RBFOX1: variants seen among roughly 807,000 people sequenced by gnomAD.
RBFOX1 encodes RNA binding fox-1 homolog 1, also known as RNA binding protein fox-1 homolog 1.
Under a neutral mutation model 57.7 loss-of-function variants are expected in RBFOX1, and 8 were observed. The observed-to-expected ratio is 0.14, with a 90% CI of 0.08 to 0.25. RBFOX1 has a LOEUF of 0.25. Among genes scored for constraint, RBFOX1 ranks in the 10% least tolerant of loss-of-function variants. The probability of loss-of-function intolerance (pLI) is 1.00; values close to 1 mark genes in which losing one functional copy is unlikely to be tolerated. For synonymous variants in RBFOX1, 326 were observed against 222.4 expected, an observed-to-expected ratio of 1.47 and a Z score of -4.15; for missense variants, 611 against 548.5, an observed-to-expected ratio of 1.11 and a Z score of -1.14.
intron 4 of RBFOX1, among the ~76,000 whole-genome samples, chr16:7,413,563 C>G (rs1477530947): frequency 1.3e-5 from 2 of 151,864 alleles, no homozygotes; most frequent in East Asian, 1.9e-4. Flanking sequence ...ATCCATTCCG[C>G]CATAGATTCC....
intron 2 of RBFOX1, among the ~76,000 whole-genome samples, chr16:6,528,970 A>G (rs182440280): frequency 9.2e-5 from 14 of 152,306 alleles, no homozygotes; most frequent in Non-Finnish European, 1.6e-4. Flanking sequence ...ATCAATTTCT[A>G]TTTCTCTACA....
At chr16:5,547,167 A>G (rs988834307) in intron 2 of RBFOX1, among the ~76,000 whole-genome samples, 1 of 152,230 alleles carries the variant, frequency 6.6e-6, no homozygotes, top group East Asian at 1.9e-4. Flanking sequence ...GTAAAATGGT[A>G]TAACCACTTT....
chr16:6,525,806 T>C (rs1448460927), intron 2 of RBFOX1, among the ~76,000 whole-genome samples: 1 of 152,044 alleles, frequency 6.6e-6, no homozygotes, highest in African/African-American at 2.4e-5. Flanking sequence ...ATGAGAGCTT[T>C]TCTCCCATAA....
At chr16:6,761,397 T>C (rs150444614) in intron 3 of RBFOX1, among the ~76,000 whole-genome samples, 1 of 152,222 alleles carries the variant, frequency 6.6e-6, no homozygotes, top group Non-Finnish European at 1.5e-5. Context: ...CTTATGTTGT[T>C]AGTTTTCAGT....
chr16:7,517,946 A>T (rs896567483), intron 4 of RBFOX1, among the ~76,000 whole-genome samples: 11 of 152,038 alleles, frequency 7.2e-5, no homozygotes, highest in Non-Finnish European at 1.6e-4. Context: ...TGCATCTGTA[A>T]AATGGGGAGA....
intron 3 of RBFOX1, among the ~76,000 whole-genome samples, chr16:6,766,395 A>C (rs1217551553): frequency 6.6e-6 from 1 of 152,018 alleles, no homozygotes; most frequent in Non-Finnish European, 1.5e-5. Context: ...AAATATTATT[A>C]TTGTCCCTGT....
intron 4 of RBFOX1, among the ~76,000 whole-genome samples, chr16:5,990,538 G>C (rs2060374947): frequency 6.6e-6 from 1 of 152,126 alleles, no homozygotes; most frequent in Non-Finnish European, 1.5e-5. Flanking sequence ...GCTACAGCCT[G>C]ACTTGTTCTG....
At chr16:7,241,393 A>T (rs547727345) in intron 4 of RBFOX1, among the ~76,000 whole-genome samples, 1 of 152,210 alleles carries the variant, frequency 6.6e-6, no homozygotes, top group South Asian at 2.1e-4. Context: ...GGATTAGGGG[A>T]TTTGCAGTTC....
chr16:5,994,250 C>T (rs1182693197), intron 4 of RBFOX1, among the ~76,000 whole-genome samples: 2 of 152,196 alleles, frequency 1.3e-5, no homozygotes, highest in African/African-American at 4.8e-5. Context: ...CAACCTCTGC[C>T]TCCTGGGTTT....
At chr16:5,296,760 C>T (rs1318654936) in intron 1 of RBFOX1, among the ~76,000 whole-genome samples, 1 of 151,378 alleles carries the variant, frequency 6.6e-6, no homozygotes, top group East Asian at 1.9e-4. Context: ...CTCACTGTAA[C>T]CTCTGCCTCC....
chr16:6,372,630 G>A (rs552769096), intron 2 of RBFOX1, among the ~76,000 whole-genome samples: 1 of 151,186 alleles, frequency 6.6e-6, no homozygotes, highest in East Asian at 2.0e-4. Context: ...CAGGAGTTTT[G>A]TTGGGTGGAA....
At chr16:5,754,958 G>C (rs1334802017) in intron 3 of RBFOX1, among the ~76,000 whole-genome samples, 1 of 3,744 alleles carries the variant, frequency 2.7e-4, no homozygotes, top group African/African-American at 1.3e-3. Flanking sequence ...GCTGGGGGAC[G>C]GTCAGGTCTT....
intron 2 of RBFOX1, among the ~76,000 whole-genome samples, chr16:5,580,328 G>T (rs2046621581): frequency 6.6e-6 from 1 of 152,210 alleles, no homozygotes; most frequent in Non-Finnish European, 1.5e-5. Flanking sequence ...GGGACTGATT[G>T]GTAATTGAGC....
intron 2 of RBFOX1, among the ~76,000 whole-genome samples, chr16:5,505,624 C>T (rs1274757030): frequency 2.6e-5 from 4 of 152,154 alleles, no homozygotes; most frequent in African/African-American, 9.7e-5. Context: ...TACTGTCTTC[C>T]CTGGGTGAGT....
chr16:7,566,093 G>A (rs767606443), intron 5 of RBFOX1, among the ~76,000 whole-genome samples: 2 of 152,146 alleles, frequency 1.3e-5, no homozygotes, highest in African/African-American at 2.4e-5. Context: ...ATTCTAGGAA[G>A]CATTTGATAT....
At position 6,197,147 on chromosome 16, in the gene RBFOX1, A is replaced by G. The variant is rs185147852; in HGVS notation, c.-126-119848A>G. Among the ~76,000 whole-genome samples, 10 of 152,274 alleles carry G rather than the reference A, an allele frequency of 6.6e-5. No individual in the cohort carries two copies. The East Asian group carries it at 1.9e-3, about 29-fold the overall frequency. ...GAAATAGTGTCAGTTAAATGCATGC[A>G]TGTCACCAGAGGCTGTGGATACTAT... On this transcript the variant is annotated intron_variant, in intron 1 of 15. Transcript: ENST00000550418.
At chr16:6,804,415 G>A (rs2086235529) in intron 3 of RBFOX1, among the ~76,000 whole-genome samples, 1 of 152,066 alleles carries the variant, frequency 6.6e-6, no homozygotes, top group Admixed American at 6.6e-5. Flanking sequence ...CAGTATTTCA[G>A]GTCAACAATA....
chr16:5,389,192 A>AAAATAAATAAATAAATAAATAAAT (rs34759657), intron 1 of RBFOX1, among the ~76,000 whole-genome samples: 7 of 150,026 alleles, frequency 4.7e-5, no homozygotes, highest in African/African-American at 1.7e-4. Context: ...CTCCGTCTCA[A>AAAATAAATAAATAAATAAATAAAT]AAATAAATAA....
At chr16:7,661,005 G>A (rs2145409283) in intron 12 of RBFOX1, among the ~76,000 whole-genome samples, 1 of 152,298 alleles carries the variant, frequency 6.6e-6, no homozygotes, top group South Asian at 2.1e-4. Flanking sequence ...AGGACTGAGT[G>A]GGATCATGAG....
Sources: gnomAD v4.1 joint callset for allele counts (sites outside exome capture counted in the v4.1 genomes callset) on GRCh38, gnomAD v4.1.1 for gene constraint, MANE v1.5 for transcripts, NCBI Gene and HGNC (gene_info 2026-07-23, HGNC 2026-07-21) for gene names.